Variants in TET3 observed in about 807,000 individuals in gnomAD.
The protein encoded by TET3 is methylcytosine dioxygenase TET3.
Under a neutral mutation model 141.4 loss-of-function variants are expected in TET3, and 19 were observed. The ratio of observed to expected loss-of-function variants is 0.13; its 90% CI spans 0.09 to 0.20. TET3 has a LOEUF of 0.20. Ranked by LOEUF, TET3 falls within the 10% of genes least tolerant of loss-of-function variation. The probability of loss-of-function intolerance (pLI) is 1.00; values close to 1 mark genes in which losing one functional copy is unlikely to be tolerated. For synonymous variants in TET3, 1,043 were observed against 980.9 expected, an observed-to-expected ratio of 1.06 and a Z score of -1.18; for missense variants, 1,874 against 2,356.9, an observed-to-expected ratio of 0.80 and a Z score of 4.24.
intron 3 of TET3, among the ~76,000 whole-genome samples, chr2:74,021,615 G>A (rs1226315829): frequency 6.6e-6 from 1 of 152,118 alleles, no homozygotes; most frequent in Non-Finnish European, 1.5e-5. Context: ...TTATGGGAAG[G>A]GGTTCTCAAA....
In TET3 at chr2:74,099,937, C is replaced by T. The variant is rs1027541661; in HGVS notation, c.3604+325C>T. Among the ~76,000 whole-genome samples the T allele has an allele frequency of 1.3e-5, 2 of 152,142 alleles. 1 individual carries two copies. The highest frequency in any genetic ancestry group is 6.3e-3 in the Middle Eastern group (2 of 316). ...TGAGATACTGAGGTGAGTAGCAGCA[C>T]TTCAGGACATGTGGGTGTGTGCCAG... is the stretch of plus-strand genomic sequence containing the variant. On this transcript the variant is annotated intron_variant, in intron 11 of 11. Transcript: ENST00000409262.
chr2:74,101,775 A>G lies in TET3; in HGVS notation c.4987A>G (p.Ile1663Val). The change falls in exon 12 of 12, where the codon ATC becomes GTC. Residue 1663 changes from isoleucine (I) to valine (V), a missense_variant. Around this residue, in one of 10 missense-constraint regions of TET3, gnomAD observed 41 missense variants for 116.8 expected, o/e 0.35. Coordinates refer to ENST00000409262, the MANE Select transcript of TET3 (RefSeq NM_001287491.2). The surrounding 1 kb of genome is among the most constrained non-coding windows in gnomAD (Gnocchi z 8.5). ...GVAVAPAHGS[I>V]LIECARRELH... ...GGCCGTGGCCCCAGCCCACGGCTCC[A>G]TCCTCATCGAGTGTGCCCGGCGGGA... The G allele has an allele frequency of 1.2e-6, 2 of 1,613,122 alleles. No homozygotes were observed. The highest frequency in any genetic ancestry group is 1.7e-6 in the Non-Finnish European group (2 of 1,179,870).
chr2:74,046,869 C>T lies in TET3; in HGVS notation c.952C>T (p.Pro318Ser). The change falls in exon 4 of 12, where the codon CCA becomes TCA. Residue 318 changes from proline (P) to serine (S), a missense_variant. Physicochemically the swap from Pro to Ser is moderately conservative, Grantham distance 74. Around this residue, in one of 10 missense-constraint regions of TET3, gnomAD observed 366 missense variants for 487.0 expected, o/e 0.75. Transcript: ENST00000409262. The surrounding 1 kb of genome is among the most constrained non-coding windows in gnomAD (Gnocchi z 4.3). The part of the protein sequence containing the change: ...LPPGEAGLPA[P>S]STRPLLSSEV... ...TCCTGGTGAGGCCGGCCTCCCAGCA[C>T]CAAGCACCAGGCCACTCCTCAGCTC... 6.2e-7 allele frequency: 1 copy of T among 1,613,586 alleles called. No individual in the cohort carries two copies. Among genetic ancestry groups the T allele is most frequent in the Non-Finnish European group, 8.5e-7 (1 of 1,179,862 alleles).
At position 74,101,179 on chromosome 2, in the gene TET3, G is replaced by T; in HGVS notation, c.4391G>T (p.Ser1464Ile). ...GSWGVFSSGE[S>I]PAIVPDKLSS... is the part of the protein sequence containing the mutation. ...TGGGGTGTGTTCTCGTCTGGGGAGAGTCCTGCCATCGTCCCTGACAAGCTC... is the reference window on the plus strand; with the variant it reads ...TGGGGTGTGTTCTCGTCTGGGGAGATTCCTGCCATCGTCCCTGACAAGCTC... Residue 1464 changes from serine to isoleucine, a missense_variant, in exon 12 of 12, where the codon AGT becomes ATT. This residue lies in a region of TET3 where 602 missense variants were observed against 590.2 expected (regional missense o/e 1.02). Coordinates refer to ENST00000409262, the MANE Select transcript of TET3 (RefSeq NM_001287491.2). This position sits in a 1 kb window ranked among gnomAD's most constrained non-coding sequence, Gnocchi z 8.5. 1 of 1,613,798 alleles carries T rather than the reference G, an allele frequency of 6.2e-7. No individual in the cohort carries two copies. Among genetic ancestry groups the T allele is most frequent in the South Asian group, 1.1e-5 (1 of 91,042 alleles).
the TET3 span, among the ~76,000 whole-genome samples, chr2:74,124,928 T>TAA: frequency 7.2e-4 from 40 of 55,276 alleles, 1 homozygote; most frequent in African/African-American, 2.0e-3. Flanking sequence ...CAATAAATAC[T>TAA]AAAAAAAAAA....
At chr2:74,073,398 A>G in intron 4 of TET3, 151 bp from the exon 5 acceptor site, 1 of 509,824 alleles carries the variant, frequency 2.0e-6, no homozygotes, top group Non-Finnish European at 3.5e-6. Context: ...CTGATTTCTA[A>G]TGGAGTTGAA....
chr2:73,992,610 G>A (rs1558692269), intron 2 of TET3, among the ~76,000 whole-genome samples: 1 of 151,986 alleles, frequency 6.6e-6, no homozygotes, highest in Non-Finnish European at 1.5e-5. Context: ...CACTGTGCCC[G>A]GCCCTTGTTG....
At chr2:74,002,667 C>G (rs2105142015) in intron 2 of TET3, 1 of 403,630 alleles carries the variant, frequency 2.5e-6, no homozygotes, top group South Asian at 8.8e-5. Context: ...CCCTCGCACA[C>G]CAGCCCCGCG....
intron 3 of TET3, among the ~76,000 whole-genome samples, chr2:74,034,155 C>T (rs1159134019): frequency 2.0e-5 from 3 of 148,184 alleles, no homozygotes; most frequent in East Asian, 2.0e-4. Flanking sequence ...ACCTTAAATT[C>T]GTCATTAAAA....
chr2:74,002,745 CT>C, intron 2 of TET3: 1 of 538,186 alleles, frequency 1.9e-6, no homozygotes, highest in Non-Finnish European at 3.2e-6. Flanking sequence ...CGTGCGCTCC[CT>C]CCGGCGGGGA....
chr2:74,099,875 T>A (rs1423103036), intron 11 of TET3, among the ~76,000 whole-genome samples: 1 of 152,060 alleles, frequency 6.6e-6, no homozygotes, highest in African/African-American at 2.4e-5. Context: ...CCTCAGAGAA[T>A]CAGAGGCTCC....
upstream of TET3, among the ~76,000 whole-genome samples, chr2:73,984,256 G>T (rs1449654381): frequency 6.6e-6 from 1 of 152,252 alleles, no homozygotes; most frequent in Non-Finnish European, 1.5e-5. The surrounding 1 kb of genome is among the most constrained non-coding windows in gnomAD (Gnocchi z 5.6). Flanking sequence ...AGAATCGAGC[G>T]CGGCGCGGGG....
chr2:74,026,206 G>T (rs561177510), intron 3 of TET3, among the ~76,000 whole-genome samples: 2 of 152,122 alleles, frequency 1.3e-5, no homozygotes, highest in Admixed American at 6.5e-5. Flanking sequence ...GCCATCGCTG[G>T]GGGGAGAGAG....
chr2:74,097,986 G>A (rs1690949349), intron 10 of TET3, among the ~76,000 whole-genome samples: 1 of 152,202 alleles, frequency 6.6e-6, no homozygotes, highest in African/African-American at 2.4e-5. Context: ...CACAAGAGTA[G>A]AGAGTAAACT....
Position 74,101,260 on chromosome 2 carries a change from G to A in TET3, c.4472G>A (p.Gly1491Glu). The A allele has an allele frequency of 1.9e-6, 3 of 1,612,676 alleles. No individual in the cohort carries two copies. In the South Asian group the frequency reaches 3.3e-5, roughly 18 times the overall value. The change falls in exon 12 of 12, where the codon GGG (glycine) becomes GAG (glutamate). Residue 1491 changes from glycine (G) to glutamate (E), a missense_variant. Coordinates refer to ENST00000409262, the MANE Select transcript of TET3 (RefSeq NM_001287491.2). This position sits in a 1 kb window ranked among gnomAD's most constrained non-coding sequence, Gnocchi z 8.5. The part of the protein sequence containing the change: ...APSHFTDGQW[G>E]LFPGEGQQAA... ...TCCCACTTCACAGATGGCCAGTGGG[G>A]GCTGTTCCCCGGTGAGGGGCAGCAG...
At chr2:74,023,164 A>G (rs764530527) in intron 3 of TET3, among the ~76,000 whole-genome samples, 17 of 152,232 alleles carry the variant, frequency 1.1e-4, no homozygotes, top group Non-Finnish European at 1.9e-4. Flanking sequence ...AGGAGTTTCC[A>G]AACCTGGGTG....
chr2:74,050,397 G>T (rs1189376017), intron 4 of TET3, among the ~76,000 whole-genome samples: 1 of 151,970 alleles, frequency 6.6e-6, no homozygotes, highest in Non-Finnish European at 1.5e-5. Context: ...AGCCTATCAA[G>T]TCCAATAGGG....
At chr2:74,062,969 C>T (rs1311785828) in intron 4 of TET3, among the ~76,000 whole-genome samples, 1 of 147,910 alleles carries the variant, frequency 6.8e-6, no homozygotes, top group East Asian at 2.0e-4. Flanking sequence ...TTGCAACTTC[C>T]GCCTCCTGGG....
chr2:74,060,314 A>G (rs539204852), intron 4 of TET3, among the ~76,000 whole-genome samples: 2 of 152,248 alleles, frequency 1.3e-5, no homozygotes, highest in Admixed American at 6.5e-5. Context: ...GTTCCGGTTC[A>G]AGTCATTCAA....
Sources: gnomAD v4.1 joint callset for allele counts (sites outside exome capture counted in the v4.1 genomes callset) on GRCh38, gnomAD v4.1.1 for gene constraint, gnomAD v4.1.1 regional missense constraint, Gnocchi (gnomAD v3.1) non-coding constraint, MANE v1.5 for transcripts, NCBI Gene and HGNC (gene_info 2026-07-23, HGNC 2026-07-21) for gene names.